NAA40: variants seen among roughly 807,000 people sequenced by gnomAD.
The protein encoded by NAA40 is N-alpha-acetyltransferase 40, NatD catalytic subunit.
A neutral mutation model predicts 36.6 loss-of-function variants in NAA40; 26 were observed. The observed-to-expected ratio is 0.71, with a 90% CI of 0.52 to 0.98. NAA40 has a LOEUF of 0.98. NAA40 is among the 50% of genes least tolerant of loss of function. The probability of loss-of-function intolerance (pLI) is 0.00; values close to 1 mark genes in which losing one functional copy is unlikely to be tolerated. For synonymous variants in NAA40, 129 were observed against 108.4 expected (o/e 1.19, Z -1.18); for missense variants, 237 against 306.5 (o/e 0.77, Z 1.69).
intron 3 of NAA40, 124 bp from the exon 4 acceptor site, chr11:63,952,114 G>T (rs1307582591): frequency 5.8e-6 from 4 of 687,448 alleles, no homozygotes; most frequent in Non-Finnish European, 1.0e-5. Context: ...GCAGATACAG[G>T]GTTGGCTTTT....
chr11:63,948,061 G>A (rs1476350625), intron 3 of NAA40, among the ~76,000 whole-genome samples: 1 of 151,786 alleles, frequency 6.6e-6, no homozygotes, highest in Non-Finnish European at 1.5e-5. Context: ...CACCATGTTG[G>A]CCAGGCTGGT....
intron 1 of NAA40, 85 bp from the exon 2 acceptor site, chr11:63,945,755 G>A: frequency 5.1e-6 from 6 of 1,177,386 alleles, no homozygotes; most frequent in Non-Finnish European, 3.8e-6. Flanking sequence ...GCCTGTGGAT[G>A]CAGGGCCCTT....
intron 1 of NAA40, among the ~76,000 whole-genome samples, chr11:63,945,034 C>T (rs1205080047): frequency 1.3e-5 from 2 of 152,142 alleles, no homozygotes; most frequent in Non-Finnish European, 2.9e-5. Flanking sequence ...GAGAGAATCT[C>T]ACGTCGGCCT....
intron 1 of NAA40, chr11:63,939,583 A>T: frequency 1.5e-6 from 1 of 681,946 alleles, no homozygotes; most frequent in Non-Finnish European, 1.8e-6. Flanking sequence ...CCCGAATCCC[A>T]GTCCACTGCC....
At chr11:63,944,220 A>T (rs1276515435) in intron 1 of NAA40, among the ~76,000 whole-genome samples, 2 of 151,990 alleles carry the variant, frequency 1.3e-5, no homozygotes, top group Non-Finnish European at 2.9e-5. Flanking sequence ...TGGTTTTTCA[A>T]CTCATGCAGA....
intron 7 of NAA40, 25 bp downstream of exon 7, chr11:63,954,074 C>T (rs1421085068): frequency 1.2e-6 from 2 of 1,612,358 alleles, no homozygotes; most frequent in Non-Finnish European, 1.7e-6. Flanking sequence ...GTGGGCCCTT[C>T]TGGGTGGTAG....
rs1059206 is a variant in NAA40, at chr11:63,957,212, A to G, written c.*2733A>G. On this transcript the variant is annotated 3_prime_UTR_variant, in exon 8 of 8. Coordinates refer to ENST00000377793, the MANE Select transcript of NAA40 (RefSeq NM_024771.4). ...CCTTGATATATATATATATATATAT[A>G]TTTTTTTTTTTCTTTAGCAGCTTGT... 1 of 64,300 alleles carries G rather than the reference A, an allele frequency of 1.6e-5. No individual in the cohort carries two copies. Among genetic ancestry groups the G allele is most frequent in the Admixed American group, 1.3e-4 (1 of 7,864 alleles). 4.0% of individuals were successfully genotyped at this position (64,300 alleles called of 1,614,324 possible).
chr11:63,946,553 C>T, intron 2 of NAA40: 1 of 1,179,320 alleles, frequency 8.5e-7, no homozygotes, highest in Non-Finnish European at 1.1e-6. Context: ...TTAACCCACT[C>T]ATAGTAAACA....
intron 6 of NAA40, 22 bp from the exon 7 acceptor site, chr11:63,953,950 C>A: frequency 6.2e-7 from 1 of 1,608,654 alleles, no homozygotes; most frequent in Non-Finnish European, 8.5e-7. Context: ...TTCTAAAAGG[C>A]GTTTGCTCTG....
At chr11:63,940,197 C>G (rs1383465683) in intron 1 of NAA40, among the ~76,000 whole-genome samples, 11 of 151,864 alleles carry the variant, frequency 7.2e-5, no homozygotes, top group Non-Finnish European at 2.9e-5. Context: ...ATTACAGGCG[C>G]CCGCTACTAT....
rs61740809 is a variant in NAA40, at chr11:63,945,905, C to G, written c.72C>G (p.Ala24=). The change falls in exon 2 of 8, where the codon GCC becomes GCG. Residue 24 remains alanine, a synonymous_variant. Transcript: ENST00000377793. ...KRLEERAAMD[A]VCAKVDAANR... ...TGGAGGAGCGAGCAGCCATGGATGC[C>G]GTTTGTGCCAAAGTGGACGCTGCCA... The G allele has an allele frequency of 1.9e-6, 3 of 1,613,964 alleles. No homozygotes were observed. The East Asian group carries it at 6.7e-5, about 36-fold the overall frequency.
intron 1 of NAA40, chr11:63,939,679 C>CA (rs1171784840): frequency 2.4e-5 from 4 of 165,170 alleles, no homozygotes; most frequent in Non-Finnish European, 3.8e-5. Flanking sequence ...TCCTGATAAA[C>CA]ACAGCCTTCC....
At chr11:63,939,307 G>T in intron 1 of NAA40, 1 of 1,270,232 alleles carries the variant, frequency 7.9e-7, no homozygotes, top group East Asian at 3.2e-5. Context: ...CCCTGGTCCG[G>T]GGCCCCACCC....
chr11:63,941,799 C>G (rs911109516), intron 1 of NAA40, among the ~76,000 whole-genome samples: 5 of 152,104 alleles, frequency 3.3e-5, no homozygotes, highest in African/African-American at 1.2e-4. Flanking sequence ...GGTAATCCAC[C>G]CACCTCCGCC....
At chr11:63,947,131 G>T in intron 3 of NAA40, 128 bp downstream of exon 3, 2 of 996,322 alleles carry the variant, frequency 2.0e-6, no homozygotes, top group Non-Finnish European at 3.1e-6. Flanking sequence ...ACAGGGCTGG[G>T]TGCGGTGGCT....
In NAA40 at chr11:63,952,311, A is replaced by C; in HGVS notation, c.229A>C (p.Thr77Pro). ...PATVDWAFDL[T>P]KTNMQTMYEQ... The stretch of plus-strand genomic sequence containing the variant: ...CACCGTGGATTGGGCCTTCGACCTG[A>C]CCAAAACGAATATGCAAACCATGTA... Residue 77 changes from threonine (T) to proline (P), a missense_variant, in exon 4 of 8, where the codon ACC (threonine) becomes CCC (proline). Transcript: ENST00000377793. The C allele has an allele frequency of 6.2e-7, 1 of 1,613,890 alleles. No homozygotes were observed. Among genetic ancestry groups the C allele is most frequent in the Middle Eastern group, 1.7e-4 (1 of 6,058 alleles).
chr11:63,939,963 A>G (rs1942080650), intron 1 of NAA40, among the ~76,000 whole-genome samples: 1 of 149,830 alleles, frequency 6.7e-6, no homozygotes, highest in Admixed American at 6.7e-5. Flanking sequence ...CTGTGCGTTC[A>G]CCTTACTAAG....
chr11:63,949,000 G>A (rs2134275004), intron 3 of NAA40, among the ~76,000 whole-genome samples: 1 of 152,196 alleles, frequency 6.6e-6, no homozygotes, highest in Middle Eastern at 3.4e-3. Flanking sequence ...TGGCGACATA[G>A]GAAGACCCTG....
At chr11:63,939,403 C>A in intron 1 of NAA40, 1 of 1,184,082 alleles carries the variant, frequency 8.4e-7, no homozygotes, top group Non-Finnish European at 1.0e-6. Flanking sequence ...CGCGGGGACC[C>A]TGGGGTTAGC....
Sources: allele counts gnomAD v4.1 joint callset (sites outside exome capture counted in the v4.1 genomes callset), GRCh38; gene constraint gnomAD v4.1.1; transcripts MANE v1.5; gene names NCBI Gene and HGNC (gene_info 2026-07-23, HGNC 2026-07-21).